Variants in DCHS2 observed in about 807,000 individuals in gnomAD.
DCHS2 encodes the protein dachsous cadherin-related 2.
DCHS2 carries 142 observed loss-of-function variants against 182.4 expected under a neutral mutation model. The ratio of observed to expected loss-of-function variants is 0.78; its 90% CI spans 0.68 to 0.89. The LOEUF (loss-of-function observed/expected upper bound fraction) is 0.89, where lower values mean the gene tolerates loss of function less well. DCHS2 is among the 40% of genes least tolerant of loss of function. The pLI is 0.00. For missense variants in DCHS2, 4,319 were observed against 4,198.6 expected (o/e 1.03, Z -0.79); for synonymous variants, 1,740 against 1,663.3 (o/e 1.05, Z -1.12).
At chr4:154,430,446 A>G (rs9995943) in intron 1 of DCHS2, among the ~76,000 whole-genome samples, 77,493 of 152,060 alleles carry the variant, frequency 0.51, 20,937 homozygotes, top group Middle Eastern at 0.67. Context: ...TAGGGATTCT[A>G]GTCAGGCATA....
At chr4:154,449,880 T>C (rs969419756) in intron 1 of DCHS2, among the ~76,000 whole-genome samples, 1 of 152,232 alleles carries the variant, frequency 6.6e-6, no homozygotes, top group Admixed American at 6.5e-5. Context: ...AGTGTCTTCA[T>C]AGCTTTTGTA....
chr4:154,344,702 T>C (rs2111392695), intron 3 of DCHS2, among the ~76,000 whole-genome samples: 1 of 152,184 alleles, frequency 6.6e-6, no homozygotes, highest in East Asian at 1.9e-4. Context: ...AGGAGGAGGG[T>C]GAGCCATGGT....
intron 1 of DCHS2, among the ~76,000 whole-genome samples, chr4:154,483,817 G>A (rs769587003): frequency 9.9e-5 from 15 of 152,018 alleles, no homozygotes; most frequent in East Asian, 1.9e-4. Context: ...CATATGAGTC[G>A]CAAGACCCTC....
In DCHS2 at chr4:154,396,107, T is replaced by C. The variant is rs1731918756; in HGVS notation, c.2053-18663A>G. Among the ~76,000 whole-genome samples the C allele has an allele frequency of 2.0e-5, 3 of 152,212 alleles. No individual in the cohort carries two copies. In the South Asian group the frequency reaches 6.2e-4, roughly 31 times the overall value. On this transcript the variant is annotated intron_variant, in intron 1 of 19. Coordinates refer to ENST00000357232, the MANE Select transcript of DCHS2 (RefSeq NM_001358235.2). ...AGCTGAGGCTTTTCTGGGATTTTTC[T>C]TTTCAGATCTGGTCTGCCTTAAGAA... is the stretch of plus-strand genomic sequence containing the variant.
intron 1 of DCHS2, among the ~76,000 whole-genome samples, chr4:154,380,194 T>A (rs1731107912): frequency 6.6e-6 from 1 of 152,150 alleles, no homozygotes; most frequent in Non-Finnish European, 1.5e-5. Context: ...TTTCTTAAAC[T>A]GATGATACAG....
At chr4:154,336,711 T>G (rs1218337135) in intron 3 of DCHS2, among the ~76,000 whole-genome samples, 1 of 152,186 alleles carries the variant, frequency 6.6e-6, no homozygotes, top group Non-Finnish European at 1.5e-5. Flanking sequence ...TCTAAACACA[T>G]ACTCATTTTC....
chr4:154,420,559 A>G (rs1391278252), intron 1 of DCHS2, among the ~76,000 whole-genome samples: 7 of 152,140 alleles, frequency 4.6e-5, no homozygotes, highest in African/African-American at 1.7e-4. Context: ...TAAAGACTGG[A>G]AAACCTGGAG....
chr4:154,394,349 C>G (rs1016365313), intron 1 of DCHS2, among the ~76,000 whole-genome samples: 5 of 152,216 alleles, frequency 3.3e-5, no homozygotes, highest in African/African-American at 9.6e-5. Context: ...CACAAGGCCC[C>G]CCTCAGGAGT....
Position 154,236,715 on chromosome 4 carries a change from C to T in DCHS2, c.7937G>A (p.Ser2646Asn), listed in dbSNP as rs769807540. The T allele has an allele frequency of 1.2e-6, 2 of 1,613,918 alleles. No individual in the cohort carries two copies. Among genetic ancestry groups the T allele is most frequent in the African/African-American group, 1.3e-5 (1 of 75,038 alleles). The change falls in exon 20 of 20, where the codon AGT (serine) becomes AAT (asparagine). Residue 2646 changes from serine (S) to asparagine (N), a missense_variant. Coordinates refer to ENST00000357232, the MANE Select transcript of DCHS2 (RefSeq NM_001358235.2). The part of the protein sequence containing the change: ...LASDSGCPPL[S>N]STAVISIQVL... ...TTGTATTGATATGACAGCTGTGGAA[C>T]TCAATGGAGGGCAGCCACTGTCAGA...
In DCHS2 at chr4:154,233,564, A is replaced by G. The variant is rs765883337; in HGVS notation, c.*972T>C. The G allele has an allele frequency of 9.9e-5, 15 of 152,238 alleles. No homozygotes were observed. Among genetic ancestry groups the G allele is most frequent in the Admixed American group, 8.5e-4 (13 of 15,276 alleles). The allele number at this position is 152,238 out of a possible 1,614,324, so 9.4% of individuals were successfully genotyped here. A position where few individuals can be genotyped will look rare whatever the true frequency, so the allele number is the denominator to read the frequency against. On this transcript the variant is annotated 3_prime_UTR_variant, in exon 20 of 20. Transcript: ENST00000357232. The stretch of plus-strand genomic sequence containing the variant: ...ATCATTAGCTAATGACATGATTTTT[A>G]TCTACACAAATTTTAAAAACTGACA...
At chr4:154,255,739 G>C (rs947500865) in intron 15 of DCHS2, 69 bp from the exon 16 acceptor site, 154 of 1,469,958 alleles carry the variant, frequency 1.0e-4, no homozygotes, top group Non-Finnish European at 1.4e-4. Flanking sequence ...GTTTTTCAGA[G>C]ACATGCATTA....
intron 13 of DCHS2, among the ~76,000 whole-genome samples, chr4:154,281,774 G>A (rs1027225760): frequency 2.0e-5 from 3 of 152,168 alleles, no homozygotes; most frequent in East Asian, 3.9e-4. Flanking sequence ...TACTGACTTC[G>A]AAACAGTTTA....
chr4:154,378,713 C>T (rs965458941), intron 1 of DCHS2, among the ~76,000 whole-genome samples: 3 of 152,090 alleles, frequency 2.0e-5, no homozygotes, highest in East Asian at 1.9e-4. Context: ...GGTCACATAA[C>T]GAATAAGTGT....
chr4:154,265,498 G>C (rs1352293904), intron 14 of DCHS2, among the ~76,000 whole-genome samples: 3 of 152,208 alleles, frequency 2.0e-5, no homozygotes, highest in Non-Finnish European at 4.4e-5. Context: ...TCAGCGATCA[G>C]TTGGGTGCAG....
chr4:154,476,896 C>A (rs1035699080), intron 1 of DCHS2, among the ~76,000 whole-genome samples: 4 of 152,048 alleles, frequency 2.6e-5, no homozygotes, highest in Non-Finnish European at 4.4e-5. Context: ...TAACAGTGGG[C>A]AAGTGGGGAG....
chr4:154,383,946 T>C (rs976776101), intron 1 of DCHS2, among the ~76,000 whole-genome samples: 11 of 152,248 alleles, frequency 7.2e-5, no homozygotes, highest in Non-Finnish European at 1.5e-4. Context: ...CTTTAATTTT[T>C]TTCTTATTAC....
intron 1 of DCHS2, among the ~76,000 whole-genome samples, chr4:154,448,454 T>A (rs1331544850): frequency 1.3e-5 from 2 of 152,064 alleles, no homozygotes; most frequent in Non-Finnish European, 2.9e-5. Flanking sequence ...GCAACCCACT[T>A]ACCCGCTTAT....
intron 1 of DCHS2, among the ~76,000 whole-genome samples, chr4:154,473,628 AC>A (rs1746289581): frequency 6.6e-6 from 1 of 152,180 alleles, no homozygotes; most frequent in African/African-American, 2.4e-5. Flanking sequence ...TCTGAGTCAC[AC>A]CACCTTGACA....
chr4:154,264,819 G>T (rs1358611613), intron 14 of DCHS2, among the ~76,000 whole-genome samples: 3 of 152,130 alleles, frequency 2.0e-5, no homozygotes, highest in Non-Finnish European at 2.9e-5. Context: ...TGAGATGTAA[G>T]AAAGAATGGT....
Sources: allele counts gnomAD v4.1 joint callset (sites outside exome capture counted in the v4.1 genomes callset), GRCh38; gene constraint gnomAD v4.1.1; transcripts MANE v1.5; gene names NCBI Gene and HGNC (gene_info 2026-07-23, HGNC 2026-07-21).